The following NRXN3 variants were observed in gnomAD, a reference collection of about 807,000 sequenced individuals.
NRXN3 encodes the protein neurexin III.
A neutral mutation model predicts 137.6 loss-of-function variants in NRXN3; 32 were observed. That is an observed-to-expected ratio of 0.23 (90% CI 0.18 to 0.31). NRXN3 has a LOEUF of 0.31. Among genes scored for constraint, NRXN3 ranks in the 10% least tolerant of loss-of-function variants. The pLI, the probability that NRXN3 is intolerant of heterozygous loss-of-function variation, is 1.00. For synonymous variants in NRXN3, 798 were observed against 784.5 expected, an observed-to-expected ratio of 1.02 and a Z score of -0.29; for missense variants, 1,574 against 2,062.5, an observed-to-expected ratio of 0.76 and a Z score of 4.59.
intron 19 of NRXN3, among the ~76,000 whole-genome samples, chr14:79,722,999 T>C (rs1441102161): frequency 1.3e-5 from 2 of 152,138 alleles, no homozygotes; most frequent in African/African-American, 4.8e-5. Context: ...TTGAGTGGGC[T>C]TTAGTCAGAG....
At chr14:78,437,927 G>T (rs1207050784) in intron 4 of NRXN3, among the ~76,000 whole-genome samples, 1 of 152,152 alleles carries the variant, frequency 6.6e-6, no homozygotes, top group Non-Finnish European at 1.5e-5. Context: ...GGAGAGTAGG[G>T]TTATTCTGCA....
chr14:78,530,609 T>G (rs928692064), intron 4 of NRXN3, among the ~76,000 whole-genome samples: 9 of 152,156 alleles, frequency 5.9e-5, no homozygotes, highest in Non-Finnish European at 1.2e-4. Context: ...GATAACCAAG[T>G]GTAGACAGGA....
At chr14:78,496,717 G>A (rs186091629) in intron 4 of NRXN3, among the ~76,000 whole-genome samples, 1 of 152,162 alleles carries the variant, frequency 6.6e-6, no homozygotes, top group African/African-American at 2.4e-5. Context: ...TAAGAGGATA[G>A]AGGTGCTGAG....
intron 10 of NRXN3, among the ~76,000 whole-genome samples, chr14:78,827,402 T>C (rs1413815118): frequency 6.6e-6 from 1 of 152,158 alleles, no homozygotes; most frequent in Non-Finnish European, 1.5e-5. Flanking sequence ...TATGGACGCA[T>C]ATATATGGGT....
In NRXN3 at chr14:79,239,785, A is replaced by T. The variant is rs1011644725; in HGVS notation, c.3263-227436A>T. ...ATCAGAGGATAAATGGATGAAGAGA[A>T]TGTAGTAATGTGGTATATACACAAT... On this transcript the variant is annotated intron_variant, in intron 15 of 20. Coordinates refer to ENST00000335750, the MANE Select transcript of NRXN3 (RefSeq NM_001330195.2). Among the ~76,000 whole-genome samples, 6 of 152,286 alleles carry T rather than the reference A, an allele frequency of 3.9e-5. No homozygotes were observed. In the South Asian group the frequency reaches 6.2e-4, roughly 16 times the overall value.
intron 15 of NRXN3, among the ~76,000 whole-genome samples, chr14:79,008,661 C>CTTTT (rs372617673): frequency 7.6e-6 from 1 of 130,818 alleles, no homozygotes; most frequent in Non-Finnish European, 1.6e-5. Flanking sequence ...TTTCTCTTTG[C>CTTTT]TTTTTTTTTT....
At chr14:78,623,306 G>GT (rs1185653378) in intron 4 of NRXN3, among the ~76,000 whole-genome samples, 1 of 152,278 alleles carries the variant, frequency 6.6e-6, no homozygotes, top group African/African-American at 2.4e-5. Context: ...AGGGAGAGTT[G>GT]TTTTAAAAAT....
chr14:79,379,877 C>CCTTGG (rs1239245656), intron 15 of NRXN3, among the ~76,000 whole-genome samples: 1 of 151,244 alleles, frequency 6.6e-6, no homozygotes, highest in African/African-American at 2.4e-5. Flanking sequence ...TTTTTGCATA[C>CCTTGG]CTTGTTGTTA....
chr14:78,352,776 A>T (rs954272778), intron 4 of NRXN3, among the ~76,000 whole-genome samples: 4 of 152,250 alleles, frequency 2.6e-5, no homozygotes, highest in African/African-American at 9.6e-5. Flanking sequence ...AGATGTAAGC[A>T]GAGAGCACGG....
At chr14:79,156,776 G>A (rs2060288908) in intron 15 of NRXN3, among the ~76,000 whole-genome samples, 1 of 151,806 alleles carries the variant, frequency 6.6e-6, no homozygotes, top group Non-Finnish European at 1.5e-5. Flanking sequence ...ACTTCCACTA[G>A]TAGCTTACCA....
chr14:79,307,674 A>G lies in NRXN3; in HGVS notation c.3263-159547A>G, dbSNP rs544545852. Among the ~76,000 whole-genome samples the G allele has an allele frequency of 2.4e-4, 37 of 152,242 alleles. 2 individuals are homozygous for G. In the South Asian group the frequency reaches 6.4e-3, roughly 26 times the overall value. On this transcript the variant is annotated intron_variant, in intron 15 of 20. Coordinates refer to ENST00000335750, the MANE Select transcript of NRXN3 (RefSeq NM_001330195.2). ...TGGCAAGTTACTACTCATTATTGGT[A>G]GAAGGCTTTCGTTCTCCAGCAATGT...
At chr14:78,912,044 A>G (rs61994004) in intron 10 of NRXN3, among the ~76,000 whole-genome samples, 25,118 of 151,246 alleles carry the variant, frequency 0.17, 2,795 homozygotes, top group African/African-American at 0.31. Context: ...AGCATTAGGT[A>G]TATCTCCTAA....
intron 16 of NRXN3, among the ~76,000 whole-genome samples, chr14:79,621,245 T>C (rs1161898816): frequency 6.6e-6 from 1 of 152,230 alleles, no homozygotes; most frequent in Non-Finnish European, 1.5e-5. Context: ...ATATAATAAT[T>C]ACTAATCAGC....
At chr14:79,273,621 G>A (rs1306447110) in intron 15 of NRXN3, among the ~76,000 whole-genome samples, 1 of 152,064 alleles carries the variant, frequency 6.6e-6, no homozygotes, top group East Asian at 1.9e-4. Flanking sequence ...GTGACAGAGT[G>A]AGACTCCGTC....
intron 15 of NRXN3, among the ~76,000 whole-genome samples, chr14:79,437,523 G>A (rs907117204): frequency 6.6e-6 from 1 of 152,054 alleles, no homozygotes. Flanking sequence ...GTCTTCTCAG[G>A]TAACCAATGC....
intron 15 of NRXN3, among the ~76,000 whole-genome samples, chr14:79,355,112 G>C (rs1050703459): frequency 1.3e-5 from 2 of 152,104 alleles, no homozygotes; most frequent in African/African-American, 2.4e-5. Context: ...TTAGCAAAAA[G>C]GAAAATATTA....
intron 15 of NRXN3, among the ~76,000 whole-genome samples, chr14:79,258,464 C>T (rs941679974): frequency 1.3e-5 from 2 of 152,164 alleles, no homozygotes; most frequent in African/African-American, 2.4e-5. Context: ...CTCGGCCTCC[C>T]AAAGTGTTGA....
chr14:79,171,684 C>A (rs192881116), intron 15 of NRXN3, among the ~76,000 whole-genome samples: 4 of 152,266 alleles, frequency 2.6e-5, no homozygotes, highest in Non-Finnish European at 5.9e-5. Flanking sequence ...TCAGAACTTT[C>A]TTGCTCTTCT....
rs115396424 is a variant in NRXN3 at position 78,742,679 on chromosome 14, A to G, written c.2044+27540A>G. Among the ~76,000 whole-genome samples the G allele has an allele frequency of 8.3e-4, 127 of 152,322 alleles. 1 individual carries two copies. Among genetic ancestry groups the G allele is most frequent in the African/African-American group, 3.0e-3 (125 of 41,582 alleles). On this transcript the variant is annotated intron_variant, in intron 8 of 20. Transcript: ENST00000335750. ...GATCACAAATTCCTAATGTTCATCA[A>G]GAGTGGAATTTTGACGGTATAATGA...
Sources: allele counts gnomAD v4.1 joint callset (sites outside exome capture counted in the v4.1 genomes callset), GRCh38; gene constraint gnomAD v4.1.1; transcripts MANE v1.5; gene names NCBI Gene and HGNC (gene_info 2026-07-23, HGNC 2026-07-21).